NPHP3: variants seen among roughly 807,000 people sequenced by gnomAD.
NPHP3 encodes nephrocystin-3.
In NPHP3, 123 loss-of-function variants were observed where a neutral mutation model predicts 171.9. The observed-to-expected ratio is 0.72, with a 90% CI of 0.62 to 0.83. The LOEUF is 0.83. Among genes scored for constraint, NPHP3 ranks in the 40% least tolerant of loss-of-function variants. NPHP3 has a pLI of 0.00. For missense variants in NPHP3, 1,506 were observed against 1,591.9 expected, an observed-to-expected ratio of 0.95 and a Z score of 0.92; for synonymous variants, 558 against 579.2, an observed-to-expected ratio of 0.96 and a Z score of 0.52.
chr3:132,711,234 C>T (rs1053035784), intron 6 of NPHP3, among the ~76,000 whole-genome samples: 6 of 152,172 alleles, frequency 3.9e-5, no homozygotes, highest in African/African-American at 1.4e-4. Context: ...CCCATCCCCA[C>T]TGCCATACCT....
intron 23 of NPHP3, 64 bp from the exon 24 acceptor site, chr3:132,684,858 TA>T: frequency 6.4e-7 from 1 of 1,571,708 alleles, no homozygotes; most frequent in Non-Finnish European, 8.7e-7. Context: ...TCCTGACCCC[TA>T]AATTAAGTGG....
chr3:132,680,716 T>G lies in NPHP3; in HGVS notation c.*1194A>C, dbSNP rs1036035697. 4 of 152,170 alleles carry G rather than the reference T, an allele frequency of 2.6e-5. No individual in the cohort carries two copies. The highest frequency in any genetic ancestry group is 4.8e-5 in the African/African-American group (2 of 41,434). The allele number at this position is 152,170 out of a possible 1,614,324, so 9.4% of individuals were successfully genotyped here. On this transcript the variant is annotated 3_prime_UTR_variant, in exon 27 of 27. Transcript: ENST00000337331. ...TCTTACAAGTATTAAATTGATGATT[T>G]TATTATATATAAATACACAAATGGT...
intron 15 of NPHP3, chr3:132,695,181 T>A (rs1035517947): frequency 4.3e-5 from 22 of 515,900 alleles, no homozygotes; most frequent in Non-Finnish European, 7.6e-5. Flanking sequence ...ATAAACATGC[T>A]GAAATCTATT....
At chr3:132,699,471 A>G in intron 12 of NPHP3, 21 bp from the exon 13 acceptor site, 4 of 1,463,266 alleles carry the variant, frequency 2.7e-6, no homozygotes, top group Non-Finnish European at 3.8e-6. Context: ...TAAAAACAAA[A>G]TTCAATCTAT....
In NPHP3 at chr3:132,681,298, C is replaced by G. The variant is rs919542079; in HGVS notation, c.*612G>C. 6.1e-5 allele frequency: 9 copies of G among 147,412 alleles called. No homozygotes were observed. Among genetic ancestry groups the G allele is most frequent in the African/African-American group, 1.8e-4 (7 of 39,754 alleles). 9.1% of individuals were successfully genotyped at this position (147,412 alleles called of 1,614,324 possible). On this transcript the variant is annotated 3_prime_UTR_variant, in exon 27 of 27. Coordinates refer to ENST00000337331, the MANE Select transcript of NPHP3 (RefSeq NM_153240.5). ...TTTTTTTTTGAGACAGAGTCTCACCCTGTTGCCCAGGGTGGAATGAACTGG... is the reference window on the plus strand; with the variant it reads ...TTTTTTTTTGAGACAGAGTCTCACCGTGTTGCCCAGGGTGGAATGAACTGG...
rs117996953 is a variant in NPHP3 at position 132,707,346 on chromosome 3, C to T, written c.1275+755G>A. Among the ~76,000 whole-genome samples the T allele has an allele frequency of 1.4e-3, 218 of 152,204 alleles. 1 individual carries two copies. In the East Asian group the frequency reaches 0.016, roughly 11 times the overall value. On this transcript the variant is annotated intron_variant, in intron 7 of 26. Coordinates refer to ENST00000337331, the MANE Select transcript of NPHP3 (RefSeq NM_153240.5). The stretch of plus-strand genomic sequence containing the variant: ...AGGCATGGTGGCCTGTGCCTGTAGT[C>T]CCAGCTACTCAAGACACTGAGGTGG...
intron 7 of NPHP3, among the ~76,000 whole-genome samples, chr3:132,706,494 T>C (rs1389752157): frequency 6.6e-6 from 1 of 152,138 alleles, no homozygotes; most frequent in Non-Finnish European, 1.5e-5. Flanking sequence ...TCCAATTTTA[T>C]GTCAATAAAG....
intron 17 of NPHP3, 147 bp from the exon 18 acceptor site, chr3:132,691,433 AT>A: frequency 1.6e-6 from 1 of 635,364 alleles, no homozygotes; most frequent in Non-Finnish European, 2.8e-6. Flanking sequence ...AATTTAGGAC[AT>A]ATTTATTTGA....
At chr3:132,697,185 T>C in intron 14 of NPHP3, 75 bp downstream of exon 14, 1 of 1,039,906 alleles carries the variant, frequency 9.6e-7, no homozygotes, top group South Asian at 1.3e-5. Context: ...CTATATTGAA[T>C]TTTAAGTCTC....
At position 132,706,125 on chromosome 3, in the gene NPHP3, C is replaced by T. The variant is rs566564541; in HGVS notation, c.1276-311G>A. Among the ~76,000 whole-genome samples the T allele has an allele frequency of 7.0e-4, 107 of 151,906 alleles. 1 individual carries two copies. Among genetic ancestry groups the T allele is most frequent in the Admixed American group, 7.9e-4 (12 of 15,258 alleles). ...CTGTAATCCCAGCACTTTGGGAGGTCGAGGTGGGCGGTTCACGAAGTCAGG... is the reference window on the plus strand; with the variant it reads ...CTGTAATCCCAGCACTTTGGGAGGTTGAGGTGGGCGGTTCACGAAGTCAGG... On this transcript the variant is annotated intron_variant, in intron 7 of 26. Coordinates refer to ENST00000337331, the MANE Select transcript of NPHP3 (RefSeq NM_153240.5).
intron 12 of NPHP3, among the ~76,000 whole-genome samples, chr3:132,699,685 C>T (rs1462973403): frequency 2.0e-5 from 3 of 151,998 alleles, no homozygotes; most frequent in Non-Finnish European, 4.4e-5. Context: ...TATGTCAGAA[C>T]GAATAGTCTT....
intron 1 of NPHP3, among the ~76,000 whole-genome samples, chr3:132,720,642 A>G (rs972093477): frequency 5.9e-5 from 9 of 152,168 alleles, no homozygotes; most frequent in African/African-American, 2.2e-4. Context: ...ACAGCTAATG[A>G]GGGAGTTTAA....
At position 132,715,139 on chromosome 3, in the gene NPHP3, T is replaced by C. The variant is rs375395871; in HGVS notation, c.903A>G (p.Arg301=). 3 of 1,607,148 alleles carry C rather than the reference T, an allele frequency of 1.9e-6. No homozygotes were observed. The African/African-American group carries it at 4.0e-5, about 21-fold the overall frequency. Residue 301 remains arginine (R), a synonymous_variant, in exon 5 of 27, where the codon AGA becomes AGG. Transcript: ENST00000337331. ...FSHSLWSNTV[R]CYLIYTDETQ... Reference sequence around the variant, plus strand: ...TTTCATCTGTATAAATGAGGTAACATCTGACAGTGTTACTCCACAGAGAAT... The same window carrying C: ...TTTCATCTGTATAAATGAGGTAACACCTGACAGTGTTACTCCACAGAGAAT...
intron 15 of NPHP3, 88 bp downstream of exon 15, chr3:132,696,643 G>T (rs1939460203): frequency 9.0e-7 from 1 of 1,116,402 alleles, no homozygotes; most frequent in Non-Finnish European, 1.4e-6. Flanking sequence ...GACTGGTGTA[G>T]TGATCAGTTC....
At chr3:132,690,224 C>G (rs1463950251) in intron 19 of NPHP3, among the ~76,000 whole-genome samples, 1 of 152,180 alleles carries the variant, frequency 6.6e-6, no homozygotes, top group Non-Finnish European at 1.5e-5. Context: ...CCCAAAGAAG[C>G]AGACATTACG....
chr3:132,717,186 G>C, intron 3 of NPHP3: 1 of 346,380 alleles, frequency 2.9e-6, no homozygotes, highest in Non-Finnish European at 5.3e-6. Context: ...TAAGAAGGAA[G>C]TTAAAAACAT....
At position 132,722,058 on chromosome 3, in the gene NPHP3, T is replaced by C. The variant is rs915515931; in HGVS notation, c.298A>G (p.Ile100Val). 6.2e-7 allele frequency: 1 copy of C among 1,612,880 alleles called. No individual in the cohort carries two copies. The highest frequency in any genetic ancestry group is 1.3e-5 in the African/African-American group (1 of 75,028). ...EYERLRKEYE[I>V]FRVSKNQELL... is the part of the protein sequence containing the mutation. ...TCCTGGTTCTTGCTGACGCGAAAGATCTCGTACTCCTTCCTGAGCCGCTCG... is the reference window on the plus strand; with the variant it reads ...TCCTGGTTCTTGCTGACGCGAAAGACCTCGTACTCCTTCCTGAGCCGCTCG... Residue 100 changes from isoleucine to valine, a missense_variant, in exon 1 of 27, where the codon ATC becomes GTC. Coordinates refer to ENST00000337331, the MANE Select transcript of NPHP3 (RefSeq NM_153240.5).
chr3:132,708,076 T>C (rs777817396), intron 7 of NPHP3, 25 bp downstream of exon 7: 1 of 1,612,756 alleles, frequency 6.2e-7, no homozygotes, highest in South Asian at 1.1e-5. Context: ...TAAGTGTGTT[T>C]TTCAAAAATG....
chr3:132,712,627 G>A (rs1560013863), intron 6 of NPHP3, among the ~76,000 whole-genome samples: 1 of 152,070 alleles, frequency 6.6e-6, no homozygotes, highest in Non-Finnish European at 1.5e-5. Context: ...TTAGCCAGGC[G>A]TGGTGGTGGG....
Sources: gnomAD v4.1 joint callset for allele counts (sites outside exome capture counted in the v4.1 genomes callset) on GRCh38, gnomAD v4.1.1 for gene constraint, MANE v1.5 for transcripts, NCBI Gene and HGNC (gene_info 2026-07-23, HGNC 2026-07-21) for gene names.